Variants in MAD1L1 observed in about 807,000 individuals in gnomAD.
The protein encoded by MAD1L1 is mitotic spindle assembly checkpoint protein MAD1.
In MAD1L1, 95 loss-of-function variants were observed where a neutral mutation model predicts 96.9. The observed-to-expected ratio is 0.98, with a 90% CI of 0.83 to 1.16. The LOEUF (loss-of-function observed/expected upper bound fraction) is 1.16, where lower values mean the gene tolerates loss of function less well. Among genes scored for constraint, MAD1L1 ranks in the 50% most tolerant of loss-of-function variants. MAD1L1 has a pLI of 0.00. For synonymous variants in MAD1L1, 473 were observed against 396.6 expected, an observed-to-expected ratio of 1.19 and a Z score of -2.29; for missense variants, 1,007 against 954.4, an observed-to-expected ratio of 1.06 and a Z score of -0.73.
At chr7:1,852,887 C>T (rs1481372606) in intron 18 of MAD1L1, among the ~76,000 whole-genome samples, 4 of 152,032 alleles carry the variant, frequency 2.6e-5, no homozygotes, top group South Asian at 4.1e-4. Flanking sequence ...GGGGCGCCTC[C>T]GAGGACGGGC....
rs144717676 is a variant in MAD1L1, at chr7:1,887,322, C to T, written c.1998+10878G>A. 6.7e-4 allele frequency among the ~76,000 whole-genome samples: 98 copies of T among 147,254 alleles called. No homozygotes were observed. In the East Asian group the frequency reaches 9.9e-3, roughly 15 times the overall value. On this transcript the variant is annotated intron_variant, in intron 18 of 18. Coordinates refer to ENST00000265854, the MANE Select transcript of MAD1L1 (RefSeq NM_001013836.2). ...GTGTGGGCATGTGTGTGCATGCATGCGCATGCGTGGCTGCCTGTGTACGTG... is the reference window on the plus strand; with the variant it reads ...GTGTGGGCATGTGTGTGCATGCATGTGCATGCGTGGCTGCCTGTGTACGTG...
intron 11 of MAD1L1, among the ~76,000 whole-genome samples, chr7:2,081,593 C>T (rs912089351): frequency 2.0e-5 from 3 of 152,206 alleles, no homozygotes; most frequent in Admixed American, 2.0e-4. Context: ...AGGACACCAT[C>T]ATGCACCCCT....
In MAD1L1 at chr7:1,968,853, G is replaced by A. The variant is rs1256474404; in HGVS notation, c.1506-11134C>T. 2.0e-5 allele frequency among the ~76,000 whole-genome samples: 3 copies of A among 152,264 alleles called. No homozygotes were observed. Among genetic ancestry groups the A allele is most frequent in the African/African-American group, 7.2e-5 (3 of 41,476 alleles). ...AAACTGTCACCGACCAGCGGCAGAA[G>A]AGATGTGACGACTAAAATCAACACG... On this transcript the variant is annotated intron_variant, in intron 15 of 18. Coordinates refer to ENST00000265854, the MANE Select transcript of MAD1L1 (RefSeq NM_001013836.2). The surrounding 1 kb of genome is among the most constrained non-coding windows in gnomAD (Gnocchi z 5.6).
chr7:2,109,273 A>G (rs971724244), intron 11 of MAD1L1, among the ~76,000 whole-genome samples: 1 of 152,184 alleles, frequency 6.6e-6, no homozygotes, highest in African/African-American at 2.4e-5. Flanking sequence ...GGCCACATGG[A>G]TAGTCCCTGC....
At chr7:1,921,329 T>C (rs1788782021) in intron 17 of MAD1L1, among the ~76,000 whole-genome samples, 3 of 152,002 alleles carry the variant, frequency 2.0e-5, no homozygotes, top group South Asian at 4.2e-4. Context: ...TTTTTTTTTT[T>C]CTTTTTGGAG....
intron 15 of MAD1L1, among the ~76,000 whole-genome samples, chr7:1,972,616 A>G (rs1445280163): frequency 1.3e-5 from 2 of 151,948 alleles, no homozygotes; most frequent in Non-Finnish European, 2.9e-5. Context: ...TTTTTTTCCA[A>G]AAAAGCCAGA....
At chr7:1,874,061 G>A (rs892548463) in intron 18 of MAD1L1, among the ~76,000 whole-genome samples, 2 of 152,226 alleles carry the variant, frequency 1.3e-5, no homozygotes, top group Non-Finnish European at 2.9e-5. Context: ...CCCCATGCTA[G>A]GGTCGGTGCT....
intron 12 of MAD1L1, among the ~76,000 whole-genome samples, chr7:2,049,308 C>G (rs539599673): frequency 6.6e-6 from 1 of 152,308 alleles, no homozygotes; most frequent in African/African-American, 2.4e-5. Context: ...TCCAGCAGGG[C>G]TGGCCTCAGG....
chr7:1,988,263 C>T (rs1229379804), intron 14 of MAD1L1, among the ~76,000 whole-genome samples: 1 of 152,186 alleles, frequency 6.6e-6, no homozygotes, highest in Non-Finnish European at 1.5e-5. Flanking sequence ...GCAAGACTCA[C>T]CTCCCACACC....
chr7:1,947,915 G>T (rs1370756875), intron 16 of MAD1L1, among the ~76,000 whole-genome samples: 1 of 152,212 alleles, frequency 6.6e-6, no homozygotes, highest in Non-Finnish European at 1.5e-5. Context: ...TCCCAAGCAG[G>T]TAGAGGCACA....
intron 11 of MAD1L1, among the ~76,000 whole-genome samples, chr7:2,118,836 C>G (rs146357919): frequency 5.9e-5 from 9 of 152,324 alleles, no homozygotes; most frequent in Admixed American, 5.9e-4. Context: ...GTGAGGCACG[C>G]GCAGACACGT....
chr7:2,128,709 G>A (rs1039822028), intron 11 of MAD1L1, among the ~76,000 whole-genome samples: 16 of 152,164 alleles, frequency 1.1e-4, no homozygotes, highest in African/African-American at 3.9e-4. Context: ...GACACAGAGG[G>A]GCTGAAACCG....
intron 10 of MAD1L1, among the ~76,000 whole-genome samples, chr7:2,209,701 G>C (rs942791012): frequency 1.3e-5 from 2 of 152,148 alleles, no homozygotes; most frequent in East Asian, 3.9e-4. Flanking sequence ...CTCGGGCCTC[G>C]GCAAGCCCCA....
chr7:2,107,103 T>A (rs1033103837), intron 11 of MAD1L1, among the ~76,000 whole-genome samples: 1 of 152,190 alleles, frequency 6.6e-6, no homozygotes, highest in African/African-American at 2.4e-5. Flanking sequence ...CCGGAGGGCC[T>A]GAGGATGGCA....
intron 12 of MAD1L1, among the ~76,000 whole-genome samples, chr7:2,051,610 G>A (rs905207224): frequency 4.0e-5 from 6 of 151,612 alleles, no homozygotes; most frequent in Non-Finnish European, 8.8e-5. Context: ...CCCTGCATCC[G>A]CCGGGTCACC....
At chr7:2,144,123 G>C (rs528796778) in intron 11 of MAD1L1, among the ~76,000 whole-genome samples, 2 of 152,336 alleles carry the variant, frequency 1.3e-5, no homozygotes, top group Non-Finnish European at 2.9e-5. Flanking sequence ...AGACCCACAG[G>C]CCTGGACGCA....
intron 15 of MAD1L1, among the ~76,000 whole-genome samples, chr7:1,977,309 G>A (rs772033271): frequency 6.6e-6 from 1 of 152,256 alleles, no homozygotes; most frequent in African/African-American, 2.4e-5. Context: ...GCGCAGATGG[G>A]CCAGCAGTGC....
intron 10 of MAD1L1, among the ~76,000 whole-genome samples, chr7:2,208,986 C>T (rs868206845): frequency 8.5e-5 from 13 of 152,214 alleles, no homozygotes; most frequent in South Asian, 4.1e-4. Flanking sequence ...GTGTCCACAC[C>T]ACACTCCCGG....
intron 10 of MAD1L1, among the ~76,000 whole-genome samples, chr7:2,185,021 A>T (rs1238100035): frequency 6.6e-6 from 1 of 152,150 alleles, no homozygotes; most frequent in African/African-American, 2.4e-5. Context: ...AATAAATAAT[A>T]AAAATAAAAT....
Sources: allele counts gnomAD v4.1 joint callset (sites outside exome capture counted in the v4.1 genomes callset), GRCh38; gene constraint gnomAD v4.1.1; non-coding constraint Gnocchi (gnomAD v3.1); transcripts MANE v1.5; gene names NCBI Gene and HGNC (gene_info 2026-07-23, HGNC 2026-07-21).